The following PTPRK variants were observed in gnomAD, a reference collection of about 807,000 sequenced individuals.
PTPRK encodes the protein receptor-type tyrosine-protein phosphatase kappa.
A neutral mutation model predicts 178.0 loss-of-function variants in PTPRK; 75 were observed. That is an observed-to-expected ratio of 0.42 (90% CI 0.35 to 0.51). The LOEUF is 0.51. PTPRK is among the 20% of genes least tolerant of loss of function. PTPRK has a pLI of 0.02. For synonymous variants in PTPRK, 637 were observed against 620.6 expected (o/e 1.03, Z -0.39); for missense variants, 1,441 against 1,797.8 (o/e 0.80, Z 3.59).
intron 6 of PTPRK, 52 bp downstream of exon 6, chr6:128,218,870 T>C: frequency 1.4e-6 from 2 of 1,463,250 alleles, no homozygotes; most frequent in East Asian, 2.3e-5. Flanking sequence ...AGAGTTGCTT[T>C]TGTTCTAATA....
At chr6:128,162,338 C>T (rs940480090) in intron 7 of PTPRK, among the ~76,000 whole-genome samples, 3 of 151,580 alleles carry the variant, frequency 2.0e-5, no homozygotes, top group African/African-American at 7.3e-5. Flanking sequence ...GTTTTGTCCT[C>T]TGTGTCTTTG....
intron 1 of PTPRK, among the ~76,000 whole-genome samples, chr6:128,511,934 G>A (rs188861071): frequency 2.0e-5 from 3 of 152,234 alleles, no homozygotes; most frequent in Admixed American, 2.0e-4. Flanking sequence ...TGGGCTCTCA[G>A]TAAATTACAG....
At chr6:128,205,776 C>CAAAA (rs1182968829) in intron 6 of PTPRK, among the ~76,000 whole-genome samples, 1 of 43,136 alleles carries the variant, frequency 2.3e-5, no homozygotes, top group Non-Finnish European at 3.7e-5. Context: ...GCATCACAGA[C>CAAAA]CAAAAAAAAA....
chr6:128,392,918 A>T lies in PTPRK; in HGVS notation c.223+4648T>A, dbSNP rs980901747. On this transcript the variant is annotated intron_variant, in intron 2 of 29. Transcript: ENST00000368226. ...CTCAACTCAATATAATGTTTGGTAA[A>T]TGGGGTATTTTTGAATTCAATTAAT... Among the ~76,000 whole-genome samples the T allele has an allele frequency of 2.6e-5, 4 of 152,280 alleles. No individual in the cohort carries two copies. In the East Asian group the frequency reaches 7.7e-4, roughly 29 times the overall value.
chr6:128,480,485 C>G (rs1036398080), intron 1 of PTPRK, among the ~76,000 whole-genome samples: 1 of 152,128 alleles, frequency 6.6e-6, no homozygotes, highest in Non-Finnish European at 1.5e-5. Flanking sequence ...TATCTCCGTG[C>G]TCTATCCATT....
At chr6:128,011,442 A>C (rs889743292) in intron 13 of PTPRK, among the ~76,000 whole-genome samples, 3 of 151,184 alleles carry the variant, frequency 2.0e-5, no homozygotes, top group South Asian at 4.1e-4. Context: ...AATAAAATAC[A>C]TGCTATTATG....
chr6:128,065,304 C>A (rs1300506501), intron 12 of PTPRK, among the ~76,000 whole-genome samples: 1 of 152,130 alleles, frequency 6.6e-6, no homozygotes, highest in Non-Finnish European at 1.5e-5. Flanking sequence ...TCTGTTCTTT[C>A]TTTCTTTTAA....
At chr6:127,987,647 C>T (rs555102004) in intron 21 of PTPRK, among the ~76,000 whole-genome samples, 1 of 152,204 alleles carries the variant, frequency 6.6e-6, no homozygotes, top group African/African-American at 2.4e-5. Flanking sequence ...ATCCTTTCAT[C>T]TTAAAATAAT....
In PTPRK at chr6:128,184,676, T is replaced by C. The variant is rs267600799; in HGVS notation, c.918A>G (p.Thr306=). ...TGGCATTTAGTTGGATCAGCAAATA[T>C]GTAGGCCCAACACCAAGAAGCTGAG... ...APPQLLGVGP[T]YLLIQLNANS... is the part of the protein sequence containing the mutation. The change falls in exon 7 of 30, where the codon ACA becomes ACG. Residue 306 remains threonine, a synonymous_variant. Transcript: ENST00000368226. 5 of 1,614,014 alleles carry C rather than the reference T, an allele frequency of 3.1e-6. No homozygotes were observed. Among genetic ancestry groups the C allele is most frequent in the East Asian group, 2.2e-5 (1 of 44,862 alleles).
intron 1 of PTPRK, among the ~76,000 whole-genome samples, chr6:128,497,419 G>GGGCA (rs765646324): frequency 3.9e-5 from 6 of 152,068 alleles, no homozygotes; most frequent in Non-Finnish European, 8.8e-5. Flanking sequence ...AGACCATCCT[G>GGGCA]GGCAACATAG....
At chr6:128,198,409 T>C (rs1805303843) in intron 6 of PTPRK, among the ~76,000 whole-genome samples, 1 of 152,060 alleles carries the variant, frequency 6.6e-6, no homozygotes, top group South Asian at 2.1e-4. Flanking sequence ...TCATCCCACC[T>C]TGAGTTGAAC....
chr6:128,089,716 T>C lies in PTPRK; in HGVS notation c.1439A>G (p.Glu480Gly). The change falls in exon 8 of 30, where the codon GAG becomes GGG. Residue 480 changes from glutamate (E) to glycine (G), a missense_variant. By Grantham distance (98) the Glu-to-Gly change is moderately conservative. Transcript: ENST00000368226. Reference protein sequence around the residue: ...TNPEGRKESEETIIQTDEDVP... With the variant: ...TNPEGRKESEGTIIQTDEDVP... The stretch of plus-strand genomic sequence containing the variant: ...ATCTTCATCAGTTTGAATAATTGTC[T>C]CTTCACTCTCCTTCCTTCCCTCTGG... The C allele has an allele frequency of 6.2e-7, 1 of 1,612,700 alleles. No homozygotes were observed. The highest frequency in any genetic ancestry group is 8.5e-7 in the Non-Finnish European group (1 of 1,178,692).
intron 1 of PTPRK, among the ~76,000 whole-genome samples, chr6:128,425,933 A>T (rs1844078627): frequency 6.6e-6 from 1 of 152,240 alleles, no homozygotes; most frequent in South Asian, 2.1e-4. Context: ...AATTAAATAA[A>T]CTAGCATAAA....
At chr6:128,503,652 G>T (rs1855879794) in intron 1 of PTPRK, among the ~76,000 whole-genome samples, 1 of 152,208 alleles carries the variant, frequency 6.6e-6, no homozygotes, top group East Asian at 1.9e-4. Flanking sequence ...TAAATGAAGA[G>T]ACCCTAGCTC....
intron 2 of PTPRK, 87 bp downstream of exon 2, chr6:128,397,479 A>T (rs1840467385): frequency 6.6e-7 from 1 of 1,507,726 alleles, no homozygotes; most frequent in Non-Finnish European, 9.1e-7. Flanking sequence ...TATAACCATT[A>T]AATTATTGTT....
At chr6:128,065,021 T>C (rs1781519500) in intron 12 of PTPRK, among the ~76,000 whole-genome samples, 2 of 152,250 alleles carry the variant, frequency 1.3e-5, no homozygotes, top group Admixed American at 1.3e-4. Context: ...TGTAAATATT[T>C]GTTTTTACCT....
rs1348652244 is a variant in PTPRK, at chr6:128,397,739, AACG to A, written c.101-54_101-52del. 10 of 1,570,782 alleles carry A rather than the reference AACG, an allele frequency of 6.4e-6. No homozygotes were observed. In the Middle Eastern group the frequency reaches 5.0e-4, roughly 79 times the overall value. On this transcript the variant is annotated intron_variant, in intron 1 of 29. Transcript: ENST00000368226. The stretch of plus-strand genomic sequence containing the variant: ...CATTCTAAACAGATTTTCCAAACAT[AACG>A]AAAGTTCTGGAGAAGGAAATGTTAT...
intron 6 of PTPRK, among the ~76,000 whole-genome samples, chr6:128,200,548 G>A (rs1338816852): frequency 6.6e-6 from 1 of 151,712 alleles, no homozygotes; most frequent in Non-Finnish European, 1.5e-5. Context: ...AACACAGCAA[G>A]ACTCCTGACT....
chr6:128,297,727 T>C (rs1824740715), intron 3 of PTPRK, among the ~76,000 whole-genome samples: 1 of 152,110 alleles, frequency 6.6e-6, no homozygotes, highest in African/African-American at 2.4e-5. Context: ...TTCAAAGCAG[T>C]GTGTAGAGGG....
Sources: allele counts gnomAD v4.1 joint callset (sites outside exome capture counted in the v4.1 genomes callset), GRCh38; gene constraint gnomAD v4.1.1; transcripts MANE v1.5; gene names NCBI Gene and HGNC (gene_info 2026-07-23, HGNC 2026-07-21).